CRIM1: variants seen among roughly 807,000 people sequenced by gnomAD.
The protein encoded by CRIM1 is cysteine rich transmembrane BMP regulator 1.
In CRIM1, 32 loss-of-function variants were observed where a neutral mutation model predicts 116.4. The observed-to-expected ratio is 0.27, with a 90% CI of 0.21 to 0.37. The LOEUF (loss-of-function observed/expected upper bound fraction) is 0.37, where lower values mean the gene tolerates loss of function less well. Among genes scored for constraint, CRIM1 ranks in the 10% least tolerant of loss-of-function variants. The pLI is 1.00. For missense variants in CRIM1, 1,331 were observed against 1,354.8 expected, an observed-to-expected ratio of 0.98 and a Z score of 0.28; for synonymous variants, 590 against 509.2, an observed-to-expected ratio of 1.16 and a Z score of -2.13.
At chr2:36,462,692 C>T (rs1228495270) in intron 4 of CRIM1, among the ~76,000 whole-genome samples, 4 of 151,940 alleles carry the variant, frequency 2.6e-5, no homozygotes, top group Non-Finnish European at 5.9e-5. Flanking sequence ...TCATTGTAAT[C>T]ACATCTACAC....
chr2:36,410,802 A>G (rs577203770), intron 2 of CRIM1, among the ~76,000 whole-genome samples: 68 of 151,994 alleles, frequency 4.5e-4, no homozygotes, highest in South Asian at 8.3e-4. Flanking sequence ...TGGTTTTGCA[A>G]CAGTGTACAT....
intron 1 of CRIM1, among the ~76,000 whole-genome samples, chr2:36,388,215 C>G (rs915777897): frequency 1.3e-5 from 2 of 152,064 alleles, no homozygotes; most frequent in Non-Finnish European, 2.9e-5. Context: ...TTTTATTAAA[C>G]GAGATTTACT....
At chr2:36,374,658 C>G (rs913856064) in intron 1 of CRIM1, among the ~76,000 whole-genome samples, 1 of 152,066 alleles carries the variant, frequency 6.6e-6, no homozygotes, top group Admixed American at 6.6e-5. Context: ...CTTTTCCATA[C>G]TACTTAAAAA....
intron 1 of CRIM1, among the ~76,000 whole-genome samples, chr2:36,382,975 A>G (rs1163273581): frequency 6.6e-6 from 1 of 152,194 alleles, no homozygotes; most frequent in Non-Finnish European, 1.5e-5. Context: ...TAGTTCTTGA[A>G]AGGTGTATTG....
At chr2:36,491,824 A>G (rs1263054194) in intron 7 of CRIM1, among the ~76,000 whole-genome samples, 1 of 152,180 alleles carries the variant, frequency 6.6e-6, no homozygotes, top group Non-Finnish European at 1.5e-5. Context: ...CCGCATACCT[A>G]TTAATGTAAC....
rs994573923 is a variant in CRIM1, at chr2:36,444,146, C to T, written c.869+1411C>T. ...TAATCAAAACTAAGCCGGTTGTTAA[C>T]GAGGTAGTCCTTTAGTGAGGAAAAT... On this transcript the variant is annotated intron_variant, in intron 4 of 16. Coordinates refer to ENST00000280527, the MANE Select transcript of CRIM1 (RefSeq NM_016441.3). Among the ~76,000 whole-genome samples, 16 of 152,298 alleles carry T rather than the reference C, an allele frequency of 1.1e-4. No individual in the cohort carries two copies. The East Asian group carries it at 1.3e-3, about 13-fold the overall frequency.
intron 4 of CRIM1, among the ~76,000 whole-genome samples, chr2:36,454,654 T>C (rs994853990): frequency 6.6e-6 from 1 of 152,164 alleles, no homozygotes; most frequent in African/African-American, 2.4e-5. Flanking sequence ...AATGTGCCCC[T>C]TTTTTTCTAT....
chr2:36,399,442 C>G (rs969910595), intron 2 of CRIM1, among the ~76,000 whole-genome samples: 7 of 152,062 alleles, frequency 4.6e-5, no homozygotes, highest in African/African-American at 9.7e-5. Flanking sequence ...TGGATATGCA[C>G]CATTTTGATG....
At position 36,544,506 on chromosome 2, in the gene CRIM1, T is replaced by C. The variant is rs746481066; in HGVS notation, c.2746+8T>C. The C allele has an allele frequency of 3.8e-6, 5 of 1,327,514 alleles. No homozygotes were observed. Among genetic ancestry groups the C allele is most frequent in the Admixed American group, 3.0e-5 (1 of 33,196 alleles). 82.2% of individuals were successfully genotyped at this position (1,327,514 alleles called of 1,614,324 possible). A position where few individuals can be genotyped will look rare whatever the true frequency, so the allele number is the denominator to read the frequency against. On this transcript the variant is annotated splice_region_variant and intron_variant, in intron 15 of 16. Transcript: ENST00000280527. ...TCGTCCATCTCCCTAGAGGTAAGCA[T>C]TGAAGGCAGCTGAGATCTGCTAGTT...
At chr2:36,444,155 C>A (rs1297451778) in intron 4 of CRIM1, among the ~76,000 whole-genome samples, 1 of 152,138 alleles carries the variant, frequency 6.6e-6, no homozygotes, top group Non-Finnish European at 1.5e-5. Context: ...ACGAGGTAGT[C>A]CTTTAGTGAG....
intron 6 of CRIM1, among the ~76,000 whole-genome samples, chr2:36,478,893 C>A (rs1679193603): frequency 6.6e-6 from 1 of 151,936 alleles, no homozygotes; most frequent in South Asian, 2.1e-4. Flanking sequence ...GGGGCTGCAG[C>A]TTAGCTTCCC....
chr2:36,438,548 C>CT (rs1396456413), intron 2 of CRIM1, among the ~76,000 whole-genome samples: 1 of 152,108 alleles, frequency 6.6e-6, no homozygotes, highest in Non-Finnish European at 1.5e-5. Context: ...ACGGCAGTTC[C>CT]TTGGGGGGTT....
At chr2:36,434,356 C>CA (rs1675126592) in intron 2 of CRIM1, among the ~76,000 whole-genome samples, 1 of 152,120 alleles carries the variant, frequency 6.6e-6, no homozygotes, top group Admixed American at 6.6e-5. Context: ...TGTATTTAAG[C>CA]AAAAATGTAG....
Position 36,356,597 on chromosome 2 carries a change from C to A in CRIM1, c.305C>A (p.Thr102Asn). The part of the protein sequence containing the change: ...IRPPLNGDSL[T>N]EYEAGVCEDE... ...CCCCCGCTCAATGGCGACTCCCTCA[C>A]CGAGTACGAAGCGGGCGTTTGCGAA... The change falls in exon 1 of 17, where the codon ACC (threonine) becomes AAC (asparagine). Residue 102 changes from threonine (T) to asparagine (N), a missense_variant. Physicochemically the swap from Thr to Asn is moderately conservative, Grantham distance 65 (BLOSUM62 0). This residue lies in a region of CRIM1 where 690 missense variants were observed against 676.0 expected (regional missense o/e 1.02). Transcript: ENST00000280527. The surrounding 1 kb of genome is among the most constrained non-coding windows in gnomAD (Gnocchi z 4.3). 1 of 1,610,788 alleles carries A rather than the reference C, an allele frequency of 6.2e-7. No individual in the cohort carries two copies. Among genetic ancestry groups the A allele is most frequent in the Non-Finnish European group, 8.5e-7 (1 of 1,179,428 alleles).
At chr2:36,444,101 A>C (rs1314054585) in intron 4 of CRIM1, among the ~76,000 whole-genome samples, 1 of 152,248 alleles carries the variant, frequency 6.6e-6, no homozygotes, top group Non-Finnish European at 1.5e-5. Flanking sequence ...AAGGTGGTAC[A>C]TTATATTGGA....
At chr2:36,453,683 C>G (rs1481197421) in intron 4 of CRIM1, among the ~76,000 whole-genome samples, 2 of 152,154 alleles carry the variant, frequency 1.3e-5, no homozygotes, top group African/African-American at 4.8e-5. Flanking sequence ...TGTCTAAGAG[C>G]ATATATTATA....
intron 2 of CRIM1, among the ~76,000 whole-genome samples, chr2:36,425,908 G>A (rs1165453215): frequency 2.6e-5 from 4 of 152,230 alleles, no homozygotes; most frequent in African/African-American, 9.6e-5. Flanking sequence ...TCCATGTCAT[G>A]TAGTGGTTTG....
intron 1 of CRIM1, among the ~76,000 whole-genome samples, chr2:36,387,977 C>CTTA (rs781298348): frequency 7.3e-4 from 105 of 142,976 alleles, no homozygotes; most frequent in Non-Finnish European, 1.1e-3. Flanking sequence ...TTCAGCTTGT[C>CTTA]TTATGCCCTG....
intron 5 of CRIM1, among the ~76,000 whole-genome samples, chr2:36,471,581 T>C (rs1170983741): frequency 1.3e-5 from 2 of 152,114 alleles, no homozygotes; most frequent in Non-Finnish European, 2.9e-5. Context: ...ATGTATATTG[T>C]TTTTTAGACA....
Sources: allele counts gnomAD v4.1 joint callset (sites outside exome capture counted in the v4.1 genomes callset), GRCh38; gene constraint gnomAD v4.1.1; regional missense constraint gnomAD v4.1.1; non-coding constraint Gnocchi (gnomAD v3.1); transcripts MANE v1.5; gene names NCBI Gene and HGNC (gene_info 2026-07-23, HGNC 2026-07-21).